LBR: variants seen among roughly 807,000 people sequenced by gnomAD.
LBR encodes the protein delta(14)-sterol reductase LBR.
In LBR, 28 loss-of-function variants were observed where a neutral mutation model predicts 74.3. The observed-to-expected ratio is 0.38, with a 90% confidence interval of 0.28 to 0.52. LBR has a LOEUF of 0.52. Among genes scored for constraint, LBR ranks in the 20% least tolerant of loss-of-function variants. The probability of loss-of-function intolerance (pLI) is 0.89; values close to 1 mark genes in which losing one functional copy is unlikely to be tolerated. For missense variants in LBR, 717 were observed against 760.3 expected, an observed-to-expected ratio of 0.94 and a Z score of 0.67; for synonymous variants, 228 against 269.3, an observed-to-expected ratio of 0.85 and a Z score of 1.50.
At chr1:225,414,535 C>T (rs939482007) in intron 7 of LBR, among the ~76,000 whole-genome samples, 2 of 152,162 alleles carry the variant, frequency 1.3e-5, no homozygotes, top group African/African-American at 2.4e-5. Flanking sequence ...TCTTACAGTG[C>T]GAGATGCCGG....
rs1440124856 is a variant in LBR, at chr1:225,406,694, G to T, written c.1453C>A (p.Pro485Thr). ...LVSHPNEVSW[P>T]MASLIIVLKL... is the part of the protein sequence containing the mutation. ...AGAACAATAATTAGAGAAGCCATTGGCCAAGACACTTCATTTGGATGACTG... is the reference window on the plus strand; with the variant it reads ...AGAACAATAATTAGAGAAGCCATTGTCCAAGACACTTCATTTGGATGACTG... The change falls in exon 11 of 14, where the codon CCA (proline) becomes ACA (threonine). Residue 485 changes from proline to threonine, a missense_variant. Coordinates refer to ENST00000272163, the MANE Select transcript of LBR (RefSeq NM_002296.4). 6.2e-7 allele frequency: 1 copy of T among 1,613,496 alleles called. No individual in the cohort carries two copies. The highest frequency in any genetic ancestry group is 8.5e-7 in the Non-Finnish European group (1 of 1,179,866).
rs1396416473 is a variant in LBR, at chr1:225,424,414, AT to A, written c.-14-326del. ...AATCTCACAAAGAACACATTTTCTC[AT>A]TTGTAAATTTGCGTATCAATTTACA... is the stretch of plus-strand genomic sequence containing the variant. On this transcript the variant is annotated intron_variant, in intron 1 of 13. Transcript: ENST00000272163. Among the ~76,000 whole-genome samples the A allele has an allele frequency of 2.6e-5, 4 of 152,260 alleles. No individual in the cohort carries two copies. The East Asian group carries it at 7.7e-4, about 29-fold the overall frequency.
Position 225,406,646 on chromosome 1 carries a change from A to T in LBR, c.1483+18T>A. 1 of 1,599,340 alleles carries T rather than the reference A, an allele frequency of 6.3e-7. No homozygotes were observed. The highest frequency in any genetic ancestry group is 1.1e-5 in the South Asian group (1 of 89,368). ...ATAATATTTAATAAATTAAACTGAG[A>T]CTAAAATTAATACTCACGTTTCAGA... On this transcript the variant is annotated intron_variant, in intron 11 of 13. Transcript: ENST00000272163.
chr1:225,416,020 T>C (rs2096116394), intron 6 of LBR, among the ~76,000 whole-genome samples: 1 of 151,698 alleles, frequency 6.6e-6, no homozygotes, highest in Non-Finnish European at 1.5e-5. Flanking sequence ...CTGGGCAACA[T>C]GGTGAAATCC....
rs1056844079 is a variant in LBR at position 225,403,212 on chromosome 1, T to G, written c.*91A>C. The G allele has an allele frequency of 1.6e-6, 2 of 1,263,194 alleles. No homozygotes were observed. The highest frequency in any genetic ancestry group is 2.9e-5 in the African/African-American group (2 of 67,902). 78.2% of individuals were successfully genotyped at this position (1,263,194 alleles called of 1,614,324 possible). ...AAAAAAAAAGTACAGACCCTGTCAG[T>G]GCAACAAAAGAAAGTTTCGGATTTT... On this transcript the variant is annotated 3_prime_UTR_variant, in exon 14 of 14. Transcript: ENST00000272163.
At chr1:225,412,107 G>A (rs1358938996) in intron 8 of LBR, among the ~76,000 whole-genome samples, 1 of 152,190 alleles carries the variant, frequency 6.6e-6, no homozygotes, top group Non-Finnish European at 1.5e-5. Flanking sequence ...ACCTCACCCG[G>A]CCAGTAACCT....
rs2096104873 is a variant in LBR, at chr1:225,411,315, G to A, written c.1188+22C>T. The A allele has an allele frequency of 3.2e-6, 5 of 1,542,988 alleles. No individual in the cohort carries two copies. The South Asian group carries it at 5.6e-5, about 17-fold the overall frequency. On this transcript the variant is annotated intron_variant, in intron 9 of 13. Coordinates refer to ENST00000272163, the MANE Select transcript of LBR (RefSeq NM_002296.4). ...ATTAGACCTATTGAATTGAAATTTA[G>A]AAGAAAAAAAACCAGACATACCCAT...
At chr1:225,420,968 T>C (rs1211651379) in intron 3 of LBR, among the ~76,000 whole-genome samples, 1 of 152,116 alleles carries the variant, frequency 6.6e-6, no homozygotes, top group Non-Finnish European at 1.5e-5. Context: ...TACATAAAAA[T>C]ACTTGTTTGT....
intron 7 of LBR, 81 bp downstream of exon 7, chr1:225,415,197 A>C (rs931158727): frequency 2.6e-5 from 24 of 914,716 alleles, no homozygotes; most frequent in Non-Finnish European, 4.0e-5. Flanking sequence ...ACTCTGGTCT[A>C]ATCAGCTTTA....
intron 11 of LBR, 131 bp downstream of exon 11, chr1:225,406,530 CATG>C (rs2096092032): frequency 1.3e-6 from 1 of 749,102 alleles, no homozygotes; most frequent in South Asian, 1.9e-5. Context: ...TTTTATTACT[CATG>C]ATAAATGGCT....
chr1:225,415,389 T>C (rs2096115108), intron 6 of LBR, 57 bp from the exon 7 acceptor site: 4 of 823,318 alleles, frequency 4.9e-6, no homozygotes, highest in Admixed American at 2.2e-5. Context: ...TATATACATA[T>C]ATACACACAC....
At chr1:225,417,404 T>C (rs2096119422) in intron 6 of LBR, 1 of 152,236 alleles carries the variant, frequency 6.6e-6, no homozygotes, top group South Asian at 2.1e-4. Flanking sequence ...AAACTACACT[T>C]AGCAATGGAG....
chr1:225,427,528 G>A (rs747427471), intron 1 of LBR: 2 of 151,526 alleles, frequency 1.3e-5, no homozygotes, highest in Non-Finnish European at 2.9e-5. Flanking sequence ...TCCTACTGCA[G>A]GACCGCGGGG....
At chr1:225,417,754 G>A in intron 6 of LBR, 2 of 510,118 alleles carry the variant, frequency 3.9e-6, no homozygotes, top group Non-Finnish European at 7.1e-6. Context: ...GTGTTATACA[G>A]ACAGCACAAG....
intron 8 of LBR, among the ~76,000 whole-genome samples, chr1:225,411,966 C>T (rs922962327): frequency 1.3e-5 from 2 of 152,176 alleles, no homozygotes; most frequent in Admixed American, 6.5e-5. Context: ...TGCACCACCA[C>T]GCCCAGCTGA....
At position 225,402,149 on chromosome 1, in the gene LBR, C is replaced by T. The variant is rs2096082937; in HGVS notation, c.*1154G>A. 2 of 152,200 alleles carry T rather than the reference C, an allele frequency of 1.3e-5. No homozygotes were observed. The highest frequency in any genetic ancestry group is 4.8e-5 in the African/African-American group (2 of 41,448). 9.4% of individuals were successfully genotyped at this position (152,200 alleles called of 1,614,324 possible). A position where few individuals can be genotyped will look rare whatever the true frequency, so the allele number is the denominator to read the frequency against. ...ATTAAACTAAAAGAAACGACTTTAA[C>T]CCCTTCAGTTGTTTTTAAGACAGCA... On this transcript the variant is annotated 3_prime_UTR_variant, in exon 14 of 14. Transcript: ENST00000272163.
intron 7 of LBR, 34 bp from the exon 8 acceptor site, chr1:225,412,679 T>C (rs1558653142): frequency 1.3e-6 from 2 of 1,554,286 alleles, no homozygotes; most frequent in Non-Finnish European, 1.8e-6. Flanking sequence ...AGTGGAAAAT[T>C]AATATTAACC....
intron 10 of LBR, among the ~76,000 whole-genome samples, chr1:225,408,847 A>G (rs2096098195): frequency 6.6e-6 from 1 of 152,256 alleles, no homozygotes. Flanking sequence ...AAATCTATAG[A>G]AAATATCAAC....
At chr1:225,420,595 G>A (rs1235469356) in intron 3 of LBR, among the ~76,000 whole-genome samples, 1 of 152,096 alleles carries the variant, frequency 6.6e-6, no homozygotes. Context: ...CACCAGGACT[G>A]TAAGATTACA....
Sources: allele counts gnomAD v4.1 joint callset (sites outside exome capture counted in the v4.1 genomes callset), GRCh38; gene constraint gnomAD v4.1.1; transcripts MANE v1.5; gene names NCBI Gene and HGNC (gene_info 2026-07-23, HGNC 2026-07-21).